TOP6BL: variants seen among roughly 807,000 people sequenced by gnomAD.
TOP6BL encodes TOP6B like initiator of meiotic double strand breaks, also known as type 2 DNA topoisomerase 6 subunit B-like.
chr11:66,800,396 C>T, the TOP6BL span, among the ~76,000 whole-genome samples: 108 of 152,086 alleles, frequency 7.1e-4, no homozygotes, highest in Middle Eastern at 0.01. Flanking sequence ...TGTCTTACCA[C>T]AAAAAATGCT....
chr11:66,803,128 C>T, the TOP6BL span, among the ~76,000 whole-genome samples: 6 of 152,258 alleles, frequency 3.9e-5, no homozygotes, highest in African/African-American at 1.4e-4. Context: ...ACCTCTTCAG[C>T]GGAAGGTGTA....
At chr11:66,745,292 G>T in the TOP6BL span, among the ~76,000 whole-genome samples, 2 of 134,982 alleles carry the variant, frequency 1.5e-5, no homozygotes, top group Non-Finnish European at 3.2e-5. Flanking sequence ...AATGGGGCAA[G>T]CCCTGGCGTT....
the TOP6BL span, among the ~76,000 whole-genome samples, chr11:66,842,380 T>A: frequency 6.6e-6 from 1 of 152,200 alleles, no homozygotes; most frequent in Admixed American, 6.5e-5. Flanking sequence ...CAAGACCTGC[T>A]GGGGAAGAAT....
chr11:66,769,688 C>G, the TOP6BL span, among the ~76,000 whole-genome samples: 1 of 151,624 alleles, frequency 6.6e-6, no homozygotes, highest in African/African-American at 2.4e-5. Flanking sequence ...GAGGGTTGGG[C>G]CTTCATGAGA....
chr11:66,822,587 A>G, the TOP6BL span: 385 of 1,552,080 alleles, frequency 2.5e-4, 1 homozygote, highest in South Asian at 6.2e-4. Context: ...TACAGGCCTC[A>G]CTCTCAGTGG....
chr11:66,754,002 G>A, the TOP6BL span, among the ~76,000 whole-genome samples: 1 of 152,232 alleles, frequency 6.6e-6, no homozygotes, highest in African/African-American at 2.4e-5. Flanking sequence ...ACCACGCCTG[G>A]CCAACCAGGA....
chr11:66,816,249 A>G, the TOP6BL span: 2 of 1,551,322 alleles, frequency 1.3e-6, no homozygotes, highest in Non-Finnish European at 8.8e-7. Flanking sequence ...AAATGCTAAG[A>G]GAGAGGGAAA....
At chr11:66,777,081 ATATATCTATATATC>A in the TOP6BL span, among the ~76,000 whole-genome samples, 1,804 of 149,196 alleles carry the variant, frequency 0.012, 19 homozygotes, top group Non-Finnish European at 0.021. Flanking sequence ...CTATATCTAT[ATATATCTATATATC>A]TATATCTATA....
chr11:66,791,046 TTG>T, the TOP6BL span, among the ~76,000 whole-genome samples: 1 of 152,214 alleles, frequency 6.6e-6, no homozygotes, highest in Non-Finnish European at 1.5e-5. Context: ...TAGACAATAT[TTG>T]AATGAAGAGA....
chr11:66,762,121 C>T, the TOP6BL span: 1 of 981,420 alleles, frequency 1.0e-6, no homozygotes, highest in Non-Finnish European at 1.6e-6. Context: ...GGGTTTTATG[C>T]TTCTGGATTT....
At chr11:66,831,996 CA>C in the TOP6BL span, among the ~76,000 whole-genome samples, 1,492 of 46,618 alleles carry the variant, frequency 0.032, 3 homozygotes, top group African/African-American at 0.062. Context: ...GACTCTGTCT[CA>C]AAAAAAAAAA....
the TOP6BL span, among the ~76,000 whole-genome samples, chr11:66,825,534 G>A: frequency 6.6e-6 from 1 of 150,832 alleles, no homozygotes; most frequent in East Asian, 2.0e-4. Flanking sequence ...TGCCCCTTCT[G>A]CCATGTGAGG....
chr11:66,830,344 ATATTT>A, the TOP6BL span, among the ~76,000 whole-genome samples: 3 of 152,230 alleles, frequency 2.0e-5, no homozygotes, highest in Non-Finnish European at 4.4e-5. Context: ...GATATTAGAA[ATATTT>A]TAATTTAATT....
chr11:66,794,221 AT>A, the TOP6BL span, among the ~76,000 whole-genome samples: 1 of 150,212 alleles, frequency 6.7e-6, no homozygotes, highest in African/African-American at 2.4e-5. Flanking sequence ...ATCTGGGACC[AT>A]TTTTTTTGTT....
At chr11:66,759,347 T>C in the TOP6BL span, among the ~76,000 whole-genome samples, 2 of 152,192 alleles carry the variant, frequency 1.3e-5, no homozygotes, top group Non-Finnish European at 2.9e-5. Flanking sequence ...CTGTATAGAA[T>C]TGACAAGATA....
At chr11:66,790,270 A>G in the TOP6BL span, among the ~76,000 whole-genome samples, 1 of 149,546 alleles carries the variant, frequency 6.7e-6, no homozygotes, top group African/African-American at 2.4e-5. Flanking sequence ...CTCTGCCTCA[A>G]AAAAAAAAAA....
the TOP6BL span, among the ~76,000 whole-genome samples, chr11:66,831,766 C>T: frequency 2.6e-5 from 4 of 151,916 alleles, no homozygotes; most frequent in African/African-American, 7.3e-5. Context: ...GAGGCTGAGG[C>T]GAGTGGATCA....
the TOP6BL span, among the ~76,000 whole-genome samples, chr11:66,818,023 C>T: frequency 2.0e-5 from 3 of 152,110 alleles, no homozygotes; most frequent in Non-Finnish European, 2.9e-5. Context: ...GGGAAAGGTT[C>T]GTAAGCCTCC....
At chr11:66,824,913 G>A in the TOP6BL span, among the ~76,000 whole-genome samples, 1 of 152,140 alleles carries the variant, frequency 6.6e-6, no homozygotes, top group South Asian at 2.1e-4. Flanking sequence ...ACATATGTGT[G>A]CATGTGTCTT....
Sources: gnomAD v4.1 joint callset for allele counts (sites outside exome capture counted in the v4.1 genomes callset) on GRCh38, gnomAD v4.1.1 for gene constraint, MANE v1.5 for transcripts, NCBI Gene and HGNC (gene_info 2026-07-23, HGNC 2026-07-21) for gene names.